The following SLC25A21 variants were observed in gnomAD, a reference collection of about 807,000 sequenced individuals.
SLC25A21 encodes solute carrier family 25 member 21.
Under a neutral mutation model 43.8 loss-of-function variants are expected in SLC25A21, and 47 were observed. That is an observed-to-expected ratio of 1.07 (90% CI 0.85 to 1.37). The LOEUF is 1.37. Among genes scored for constraint, SLC25A21 ranks in the 40% most tolerant of loss-of-function variants. SLC25A21 has a pLI of 0.00. For synonymous variants in SLC25A21, 131 were observed against 121.3 expected (o/e 1.08, Z -0.52); for missense variants, 352 against 350.2 (o/e 1.00, Z -0.04).
intron 3 of SLC25A21, among the ~76,000 whole-genome samples, chr14:36,770,441 G>T (rs574253886): frequency 1.3e-5 from 2 of 152,244 alleles, no homozygotes; most frequent in African/African-American, 4.8e-5. Flanking sequence ...TGGGTGATGG[G>T]ATCATGTGTA....
At chr14:37,157,177 G>C (rs1963865519) in intron 1 of SLC25A21, among the ~76,000 whole-genome samples, 1 of 151,920 alleles carries the variant, frequency 6.6e-6, no homozygotes, top group Admixed American at 6.6e-5. Flanking sequence ...GCCAACATGG[G>C]GAAACACTAT....
intron 1 of SLC25A21, among the ~76,000 whole-genome samples, chr14:37,064,557 A>G (rs1962020892): frequency 6.6e-6 from 1 of 152,094 alleles, no homozygotes. Context: ...CTGGATCCCC[A>G]AACAACTGTG....
intron 1 of SLC25A21, among the ~76,000 whole-genome samples, chr14:37,041,669 T>G (rs1020276909): frequency 2.6e-5 from 4 of 152,158 alleles, no homozygotes; most frequent in African/African-American, 9.7e-5. Flanking sequence ...AATATAGTAA[T>G]GTGTCTAGAG....
chr14:37,065,121 T>C (rs1459026178), intron 1 of SLC25A21, among the ~76,000 whole-genome samples: 1 of 152,160 alleles, frequency 6.6e-6, no homozygotes, highest in Non-Finnish European at 1.5e-5. Flanking sequence ...GAATAATCTA[T>C]GGTACTTTGG....
At position 36,782,276 on chromosome 14, in the gene SLC25A21, A is replaced by G. The variant is rs1475414319; in HGVS notation, c.203+31642T>C. On this transcript the variant is annotated intron_variant, in intron 3 of 9. Transcript: ENST00000331299. ...ATACCTGGATATCCACATCTTGCCC[A>G]ATATTTGGGAAGTTATTAGTCATTA... Among the ~76,000 whole-genome samples, 3 of 152,300 alleles carry G rather than the reference A, an allele frequency of 2.0e-5. No homozygotes were observed. The East Asian group carries it at 5.8e-4, about 29-fold the overall frequency.
intron 1 of SLC25A21, among the ~76,000 whole-genome samples, chr14:36,945,804 T>C (rs943820012): frequency 1.3e-5 from 2 of 152,184 alleles, no homozygotes; most frequent in Non-Finnish European, 2.9e-5. Context: ...GAGATGGCTG[T>C]GCAATAATGT....
At chr14:36,724,137 G>A (rs1950353) in intron 6 of SLC25A21, among the ~76,000 whole-genome samples, 4,278 of 152,168 alleles carry the variant, frequency 0.028, 222 homozygotes, top group African/African-American at 0.098. Context: ...AAAGAGAAAC[G>A]AAAACTAGAA....
intron 1 of SLC25A21, among the ~76,000 whole-genome samples, chr14:36,957,982 T>C (rs911857520): frequency 6.6e-6 from 1 of 152,238 alleles, no homozygotes; most frequent in Non-Finnish European, 1.5e-5. Context: ...AGCGATTAAC[T>C]TGAACATATA....
chr14:36,806,057 A>C (rs777086715), intron 3 of SLC25A21, among the ~76,000 whole-genome samples: 43 of 145,778 alleles, frequency 2.9e-4, no homozygotes, highest in Non-Finnish European at 5.3e-4. Context: ...TCTACTAAAG[A>C]TATAAAAAAT....
At chr14:37,001,863 G>A (rs899791201) in intron 1 of SLC25A21, among the ~76,000 whole-genome samples, 1 of 152,038 alleles carries the variant, frequency 6.6e-6, no homozygotes, top group African/African-American at 2.4e-5. Context: ...TTTTGTCAAT[G>A]TTATTGCCTA....
chr14:37,132,133 G>A (rs1963401855), intron 1 of SLC25A21, among the ~76,000 whole-genome samples: 1 of 152,148 alleles, frequency 6.6e-6, no homozygotes, highest in Admixed American at 6.5e-5. Flanking sequence ...GAATGCAAGA[G>A]CAAAAGGGGG....
chr14:37,075,665 A>T (rs1962265022), intron 1 of SLC25A21, among the ~76,000 whole-genome samples: 1 of 152,218 alleles, frequency 6.6e-6, no homozygotes, highest in Non-Finnish European at 1.5e-5. Flanking sequence ...AAATAAAGAG[A>T]AGACATCCCA....
intron 3 of SLC25A21, among the ~76,000 whole-genome samples, chr14:36,781,241 G>A (rs1245158449): frequency 6.6e-6 from 1 of 152,090 alleles, no homozygotes; most frequent in Non-Finnish European, 1.5e-5. Context: ...CTTGTAGGTA[G>A]CACATGGTTG....
chr14:36,785,738 T>C (rs939296827), intron 3 of SLC25A21, among the ~76,000 whole-genome samples: 1 of 152,202 alleles, frequency 6.6e-6, no homozygotes, highest in Non-Finnish European at 1.5e-5. Context: ...GGGCCAGATG[T>C]AGTCACCTTG....
intron 1 of SLC25A21, among the ~76,000 whole-genome samples, chr14:36,977,141 G>C (rs1196273514): frequency 1.3e-5 from 2 of 151,964 alleles, no homozygotes; most frequent in Non-Finnish European, 2.9e-5. Context: ...TTTCTAACTT[G>C]ATCCAATTAT....
intron 1 of SLC25A21, among the ~76,000 whole-genome samples, chr14:37,167,822 T>C (rs1306143211): frequency 6.6e-6 from 1 of 151,638 alleles, no homozygotes; most frequent in African/African-American, 2.4e-5. Flanking sequence ...TGACTCAGCA[T>C]AAGACAGCTT....
intron 2 of SLC25A21, among the ~76,000 whole-genome samples, chr14:36,841,663 C>T (rs910743703): frequency 2.6e-5 from 4 of 152,218 alleles, no homozygotes; most frequent in African/African-American, 7.2e-5. Context: ...CAATAGTCTT[C>T]CTGGTGTGCC....
In SLC25A21 at chr14:36,736,396, C is replaced by T. The variant is rs563113521; in HGVS notation, c.204-1823G>A. On this transcript the variant is annotated intron_variant, in intron 3 of 9. Coordinates refer to ENST00000331299, the MANE Select transcript of SLC25A21 (RefSeq NM_030631.4). Reference sequence around the variant, plus strand: ...GAAATTCTCACATCAACACGAATTACTTCTAGCAACTAATAACATTTAAAT... The same window carrying T: ...GAAATTCTCACATCAACACGAATTATTTCTAGCAACTAATAACATTTAAAT... Among the ~76,000 whole-genome samples the T allele has an allele frequency of 5.3e-5, 8 of 152,288 alleles. No homozygotes were observed. The South Asian group carries it at 1.5e-3, about 28-fold the overall frequency.
rs1166168620 is a variant in SLC25A21, at chr14:37,040,399, G to GAA, written c.70+131880_70+131881dup. ...AGAAAGAAAGAAAGAAAGAAAGAAA[G>GAA]AAAGAAAGAAAGAAAGAAAGAAAGA... On this transcript the variant is annotated intron_variant, in intron 1 of 9. Transcript: ENST00000331299. Among the ~76,000 whole-genome samples the GAA allele has an allele frequency of 2.3e-5, 2 of 88,544 alleles. 1 individual carries two copies. The highest frequency in any genetic ancestry group is 2.0e-4 in the African/African-American group (2 of 10,098). The allele number at this position is 88,544 out of a possible 152,430, so 58.1% of individuals were successfully genotyped here. A position where few individuals can be genotyped will look rare whatever the true frequency, so the allele number is the denominator to read the frequency against.
Sources: allele counts gnomAD v4.1 joint callset (sites outside exome capture counted in the v4.1 genomes callset), GRCh38; gene constraint gnomAD v4.1.1; transcripts MANE v1.5; gene names NCBI Gene and HGNC (gene_info 2026-07-23, HGNC 2026-07-21).